CTNND2: variants seen among roughly 807,000 people sequenced by gnomAD.
CTNND2 encodes the protein catenin delta 2.
In CTNND2, 22 loss-of-function variants were observed where a neutral mutation model predicts 144.4. The ratio of observed to expected loss-of-function variants is 0.15; its 90% CI spans 0.11 to 0.22. The LOEUF is 0.22. Among genes scored for constraint, CTNND2 ranks in the 10% least tolerant of loss-of-function variants. The pLI is 1.00. For missense variants in CTNND2, 1,353 were observed against 1,618.8 expected, an observed-to-expected ratio of 0.84 and a Z score of 2.82; for synonymous variants, 751 against 695.6, an observed-to-expected ratio of 1.08 and a Z score of -1.25.
chr5:11,689,378 C>T (rs1226570333), intron 2 of CTNND2, among the ~76,000 whole-genome samples: 1 of 152,228 alleles, frequency 6.6e-6, no homozygotes, highest in African/African-American at 2.4e-5. Flanking sequence ...TCTCTCTTCT[C>T]TCCACATACA....
At chr5:11,301,075 G>A (rs1303830379) in intron 9 of CTNND2, among the ~76,000 whole-genome samples, 2 of 152,146 alleles carry the variant, frequency 1.3e-5, no homozygotes, top group Non-Finnish European at 2.9e-5. Flanking sequence ...GGAGTGCAGT[G>A]GCCCTATCTC....
At chr5:11,274,261 C>A (rs1393864997) in intron 9 of CTNND2, among the ~76,000 whole-genome samples, 2 of 152,170 alleles carry the variant, frequency 1.3e-5, no homozygotes, top group East Asian at 3.8e-4. Context: ...GACATGTGTT[C>A]ATCAAAGCCT....
At chr5:11,216,972 C>T (rs1443935857) in intron 10 of CTNND2, among the ~76,000 whole-genome samples, 1 of 152,122 alleles carries the variant, frequency 6.6e-6, no homozygotes, top group African/African-American at 2.4e-5. Flanking sequence ...ATATTGCCCG[C>T]CTAAATATAA....
chr5:11,594,581 A>C (rs188209100), intron 2 of CTNND2, among the ~76,000 whole-genome samples: 93 of 152,360 alleles, frequency 6.1e-4, no homozygotes, highest in Non-Finnish European at 1.2e-3. Context: ...GTAGAACTAA[A>C]GTATAAAGGA....
At chr5:11,380,119 A>G (rs959590342) in intron 7 of CTNND2, among the ~76,000 whole-genome samples, 1 of 152,170 alleles carries the variant, frequency 6.6e-6, no homozygotes, top group African/African-American at 2.4e-5. Flanking sequence ...CTCCGCTAGG[A>G]TGCTCCCATA....
intron 11 of CTNND2, among the ~76,000 whole-genome samples, chr5:11,196,797 G>T (rs867895645): frequency 1.3e-5 from 2 of 152,174 alleles, no homozygotes; most frequent in South Asian, 4.1e-4. Flanking sequence ...ACCACTGTAG[G>T]GGGCACTGGT....
At chr5:11,054,496 C>T (rs979202501) in intron 16 of CTNND2, among the ~76,000 whole-genome samples, 3 of 152,118 alleles carry the variant, frequency 2.0e-5, no homozygotes, top group African/African-American at 7.2e-5. Context: ...TTTCCTACTA[C>T]CTTCAGCAGA....
chr5:11,492,809 G>A (rs957180757), intron 3 of CTNND2, among the ~76,000 whole-genome samples: 2 of 151,822 alleles, frequency 1.3e-5, no homozygotes, highest in South Asian at 2.1e-4. Context: ...GGTGGCTCAC[G>A]CCTGTAATCC....
At position 11,310,918 on chromosome 5, in the gene CTNND2, T is replaced by C. The variant is rs1750739190; in HGVS notation, c.1628+35454A>G. ...GCAATACACTCACACACACTCCCCA[T>C]ACACCCTCACCCCACATGCACTCAC... On this transcript the variant is annotated intron_variant, in intron 9 of 21. Coordinates refer to ENST00000304623, the MANE Select transcript of CTNND2 (RefSeq NM_001332.4). 2.9e-5 allele frequency among the ~76,000 whole-genome samples: 4 copies of C among 136,564 alleles called. No individual in the cohort carries two copies. The Admixed American group carries it at 2.9e-4, about 10-fold the overall frequency. 89.6% of individuals were successfully genotyped at this position (136,564 alleles called of 152,430 possible).
chr5:11,830,185 G>C (rs931342060), intron 1 of CTNND2, among the ~76,000 whole-genome samples: 1 of 152,206 alleles, frequency 6.6e-6, no homozygotes, highest in African/African-American at 2.4e-5. Context: ...CCTTGCCTCA[G>C]ATGAGACTTT....
intron 6 of CTNND2, among the ~76,000 whole-genome samples, chr5:11,395,915 G>T (rs1479531313): frequency 6.6e-6 from 1 of 152,156 alleles, no homozygotes; most frequent in Non-Finnish European, 1.5e-5. Context: ...TCATTTTTTG[G>T]GGCCATGTGG....
At chr5:11,715,311 CG>C (rs1339663453) in intron 2 of CTNND2, among the ~76,000 whole-genome samples, 3 of 152,068 alleles carry the variant, frequency 2.0e-5, no homozygotes, top group Non-Finnish European at 2.9e-5. Flanking sequence ...TTCAGGTTGT[CG>C]CTGCTTTATT....
intron 3 of CTNND2, among the ~76,000 whole-genome samples, chr5:11,559,515 A>G (rs1776517526): frequency 6.6e-6 from 1 of 152,146 alleles, no homozygotes; most frequent in Non-Finnish European, 1.5e-5. Context: ...TCTATCTTCT[A>G]TACCTAGGTC....
intron 1 of CTNND2, among the ~76,000 whole-genome samples, chr5:11,800,618 T>C (rs1415294334): frequency 6.6e-6 from 1 of 152,126 alleles, no homozygotes; most frequent in Non-Finnish European, 1.5e-5. Flanking sequence ...CTTCCGTCCA[T>C]TAGAGAAACT....
intron 1 of CTNND2, among the ~76,000 whole-genome samples, chr5:11,764,496 G>C (rs905388673): frequency 6.6e-6 from 1 of 152,084 alleles, no homozygotes; most frequent in Non-Finnish European, 1.5e-5. Flanking sequence ...TGCTGGTGAG[G>C]CCACCCCAAA....
At chr5:11,841,831 G>T (rs1012240468) in intron 1 of CTNND2, among the ~76,000 whole-genome samples, 1 of 151,372 alleles carries the variant, frequency 6.6e-6, no homozygotes, top group African/African-American at 2.4e-5. Flanking sequence ...GCCTCCCAAA[G>T]AAGAGTTTTC....
intron 1 of CTNND2, among the ~76,000 whole-genome samples, chr5:11,872,304 T>C (rs904317923): frequency 1.3e-5 from 2 of 152,212 alleles, no homozygotes; most frequent in African/African-American, 4.8e-5. Flanking sequence ...TTGGGTTGGT[T>C]CCAAGTCTTT....
intron 3 of CTNND2, among the ~76,000 whole-genome samples, chr5:11,459,171 T>G (rs201472229): frequency 2.6e-5 from 4 of 152,200 alleles, no homozygotes; most frequent in Non-Finnish European, 4.4e-5. Context: ...TTAGTGGCTA[T>G]TACAAGTTTT....
In CTNND2 at chr5:11,082,864, G is replaced by A. The variant is rs745535793; in HGVS notation, c.2638-18C>T. ...ACTGACCACTGCAAAAACAGGGAAG[G>A]CGAAGGGCGTTAGAAACAGGAAGAA... On this transcript the variant is annotated intron_variant, in intron 15 of 21. Coordinates refer to ENST00000304623, the MANE Select transcript of CTNND2 (RefSeq NM_001332.4). 5 of 1,612,280 alleles carry A rather than the reference G, an allele frequency of 3.1e-6. No individual in the cohort carries two copies. In the African/African-American group the frequency reaches 5.3e-5, roughly 17 times the overall value.
Sources: gnomAD v4.1 joint callset for allele counts (sites outside exome capture counted in the v4.1 genomes callset) on GRCh38, gnomAD v4.1.1 for gene constraint, MANE v1.5 for transcripts, NCBI Gene and HGNC (gene_info 2026-07-23, HGNC 2026-07-21) for gene names.